Variants in TAFA4 observed in about 807,000 individuals in gnomAD.
TAFA4 encodes the protein TAFA chemokine like family member 4, also known as chemokine-like protein TAFA-4.
TAFA4 carries 20 observed loss-of-function variants against 21.1 expected under a neutral mutation model. The observed-to-expected ratio is 0.95, with a 90% CI of 0.67 to 1.38. The LOEUF is 1.38. TAFA4 is among the 40% of genes most tolerant of loss of function. The pLI is 0.00. For synonymous variants in TAFA4, 71 were observed against 67.4 expected (o/e 1.05, Z -0.26); for missense variants, 211 against 180.9 (o/e 1.17, Z -0.95).
At position 68,890,238 on chromosome 3, in the gene TAFA4, T is replaced by C. The variant is rs188598513; in HGVS notation, c.-122-4928A>G. ...AAAGGGAATTAATGAATGCAAAAAC[T>C]AATAAGCAAAAGGTAAGCAATTGGT... On this transcript the variant is annotated intron_variant, in intron 1 of 5. Transcript: ENST00000295569. Among the ~76,000 whole-genome samples the C allele has an allele frequency of 8.5e-5, 13 of 152,260 alleles. No individual in the cohort carries two copies. The East Asian group carries it at 1.3e-3, about 16-fold the overall frequency.
intron 4 of TAFA4, among the ~76,000 whole-genome samples, chr3:68,748,614 C>T (rs560054684): frequency 8.5e-5 from 13 of 152,176 alleles, no homozygotes; most frequent in Non-Finnish European, 1.6e-4. Flanking sequence ...CATGGTGGCA[C>T]GCACCTGTAG....
intron 3 of TAFA4, among the ~76,000 whole-genome samples, chr3:68,755,776 C>A (rs1455017935): frequency 6.6e-6 from 1 of 152,302 alleles, no homozygotes; most frequent in East Asian, 1.9e-4. Flanking sequence ...AGTAAACTTG[C>A]AAACAGACTC....
intron 3 of TAFA4, among the ~76,000 whole-genome samples, chr3:68,798,784 T>C (rs1703508127): frequency 6.6e-6 from 1 of 152,144 alleles, no homozygotes; most frequent in African/African-American, 2.4e-5. Flanking sequence ...AAAATAAAAC[T>C]ACATACAAGA....
intron 3 of TAFA4, among the ~76,000 whole-genome samples, chr3:68,859,657 A>C (rs915005539): frequency 2.0e-5 from 3 of 152,172 alleles, no homozygotes; most frequent in Non-Finnish European, 2.9e-5. Flanking sequence ...TAGGCTGAGA[A>C]CTTCTCAGCC....
chr3:68,858,261 A>G (rs753152461), intron 3 of TAFA4, among the ~76,000 whole-genome samples: 4 of 152,122 alleles, frequency 2.6e-5, no homozygotes, highest in East Asian at 1.9e-4. Flanking sequence ...TCCTTTCTAC[A>G]TGCACCATCC....
At chr3:68,831,937 A>G (rs922523758) in intron 3 of TAFA4, among the ~76,000 whole-genome samples, 1 of 152,070 alleles carries the variant, frequency 6.6e-6, no homozygotes, top group African/African-American at 2.4e-5. Context: ...TTGATCTTCA[A>G]TCACTGATAG....
chr3:68,739,111 C>A lies in TAFA4; in HGVS notation c.375G>T (p.Trp125Cys). The change falls in exon 5 of 6, where the codon TGG becomes TGT. Residue 125 changes from tryptophan to cysteine, a missense_variant. Coordinates refer to ENST00000295569, the MANE Select transcript of TAFA4 (RefSeq NM_182522.5). ...DCKVLPDYSG[W>C]SCSSGNKVKT... ...TGACTTTATTGCCACTGCTACAGGA[C>A]CAACCTGAGTAATCTGGCAGCACTT... 1 of 1,613,976 alleles carries A rather than the reference C, an allele frequency of 6.2e-7. No homozygotes were observed. The highest frequency in any genetic ancestry group is 8.5e-7 in the Non-Finnish European group (1 of 1,179,866).
chr3:68,818,498 C>A (rs1182080796), intron 3 of TAFA4, among the ~76,000 whole-genome samples: 2 of 152,194 alleles, frequency 1.3e-5, no homozygotes, highest in African/African-American at 2.4e-5. Context: ...TTCAGCATAT[C>A]CCAGCGTATT....
chr3:68,749,872 T>C (rs150560261), intron 4 of TAFA4, among the ~76,000 whole-genome samples: 6 of 152,336 alleles, frequency 3.9e-5, no homozygotes, highest in Non-Finnish European at 5.9e-5. Context: ...AAATGCTCCA[T>C]AGCCACGGGT....
intron 3 of TAFA4, among the ~76,000 whole-genome samples, chr3:68,783,704 A>G (rs921666009): frequency 8.9e-6 from 1 of 112,988 alleles, no homozygotes; most frequent in Non-Finnish European, 1.8e-5. Flanking sequence ...AGAGAGAGAG[A>G]GAGAAAGAAA....
intron 3 of TAFA4, among the ~76,000 whole-genome samples, chr3:68,844,468 A>G (rs1704740938): frequency 6.6e-6 from 1 of 150,536 alleles, no homozygotes; most frequent in South Asian, 2.1e-4. Context: ...AAAAAAAAAC[A>G]GCTCCTGGAT....
chr3:68,810,629 G>A (rs966647106), intron 3 of TAFA4, among the ~76,000 whole-genome samples: 7 of 151,964 alleles, frequency 4.6e-5, no homozygotes, highest in African/African-American at 1.7e-4. Context: ...TGGGGGAGGG[G>A]CGCCCACCAT....
chr3:68,857,176 G>A (rs1202944262), intron 3 of TAFA4, among the ~76,000 whole-genome samples: 4 of 152,050 alleles, frequency 2.6e-5, no homozygotes, highest in African/African-American at 7.2e-5. Flanking sequence ...AGCATTTAAC[G>A]ATTTCTCCCA....
chr3:68,881,990 G>A (rs745808180), intron 2 of TAFA4, among the ~76,000 whole-genome samples: 3 of 152,114 alleles, frequency 2.0e-5, no homozygotes, highest in Non-Finnish European at 2.9e-5. Flanking sequence ...TTCTCTCTCC[G>A]TGACCTCTCA....
At chr3:68,790,927 G>C (rs1333368811) in intron 3 of TAFA4, among the ~76,000 whole-genome samples, 7 of 152,160 alleles carry the variant, frequency 4.6e-5, no homozygotes, top group South Asian at 2.1e-4. Context: ...GTGTGTAGTA[G>C]GTCAGTGGAA....
chr3:68,819,822 A>G (rs1559532254), intron 3 of TAFA4, among the ~76,000 whole-genome samples: 1 of 152,248 alleles, frequency 6.6e-6, no homozygotes, highest in Non-Finnish European at 1.5e-5. Flanking sequence ...GGGAACGCTT[A>G]CACACTGTTG....
intron 3 of TAFA4, among the ~76,000 whole-genome samples, chr3:68,776,146 A>G (rs1575603936): frequency 6.6e-6 from 1 of 152,196 alleles, no homozygotes; most frequent in South Asian, 2.1e-4. Context: ...AAACAAAAAA[A>G]TAAGCCGGTA....
intron 3 of TAFA4, among the ~76,000 whole-genome samples, chr3:68,766,254 A>C (rs1454930108): frequency 6.6e-6 from 1 of 152,094 alleles, no homozygotes; most frequent in Non-Finnish European, 1.5e-5. Context: ...TAGAGAATGA[A>C]TACACTCACC....
chr3:68,772,891 G>GT (rs1215961633), intron 3 of TAFA4, among the ~76,000 whole-genome samples: 1 of 151,962 alleles, frequency 6.6e-6, no homozygotes, highest in African/African-American at 2.4e-5. Context: ...CATCCTATTG[G>GT]TTCTGTCTCT....
Sources: allele counts gnomAD v4.1 joint callset (sites outside exome capture counted in the v4.1 genomes callset), GRCh38; gene constraint gnomAD v4.1.1; transcripts MANE v1.5; gene names NCBI Gene and HGNC (gene_info 2026-07-23, HGNC 2026-07-21).